Variants in TECRL observed in about 807,000 individuals in gnomAD.
The protein encoded by TECRL is trans-2,3-enoyl-CoA reductase like, also known as trans-2,3-enoyl-CoA reductase-like.
Under a neutral mutation model 52.8 loss-of-function variants are expected in TECRL, and 63 were observed. The observed-to-expected ratio is 1.19, with a 90% CI of 0.97 to 1.47. The LOEUF (loss-of-function observed/expected upper bound fraction) is 1.47. TECRL is among the 40% of genes most tolerant of loss of function. The pLI is 0.00. For missense variants in TECRL, 482 were observed against 429.6 expected (o/e 1.12, Z -1.08); for synonymous variants, 164 against 141.9 (o/e 1.16, Z -1.10).
At chr4:64,358,293 T>C (rs2109602336) in intron 2 of TECRL, among the ~76,000 whole-genome samples, 1 of 151,944 alleles carries the variant, frequency 6.6e-6, no homozygotes, top group South Asian at 2.1e-4. Context: ...TGATATGTCA[T>C]AAATGTTTAG....
At chr4:64,370,635 G>GTA (rs1439385128) in intron 2 of TECRL, among the ~76,000 whole-genome samples, 1 of 151,776 alleles carries the variant, frequency 6.6e-6, no homozygotes, top group Non-Finnish European at 1.5e-5. Flanking sequence ...TCATAAGGGT[G>GTA]TTATTTCTGA....
At chr4:64,302,558 G>A (rs1724082515) in intron 7 of TECRL, among the ~76,000 whole-genome samples, 1 of 150,382 alleles carries the variant, frequency 6.6e-6, no homozygotes. Flanking sequence ...TGTGATTAAA[G>A]ATTAAACAGG....
At chr4:64,307,477 G>A (rs1251275021) in intron 6 of TECRL, among the ~76,000 whole-genome samples, 10 of 152,220 alleles carry the variant, frequency 6.6e-5, no homozygotes, top group East Asian at 1.9e-4. Context: ...ATACAAGGAC[G>A]AGGAGAGGAG....
chr4:64,351,679 A>T (rs1442121843), intron 2 of TECRL, among the ~76,000 whole-genome samples: 3 of 152,198 alleles, frequency 2.0e-5, no homozygotes, highest in African/African-American at 7.2e-5. Flanking sequence ...TATGCATGTA[A>T]CAAAATACCA....
intron 1 of TECRL, among the ~76,000 whole-genome samples, chr4:64,391,826 A>G (rs1373128685): frequency 6.6e-6 from 1 of 151,958 alleles, no homozygotes; most frequent in Non-Finnish European, 1.5e-5. Context: ...CAATAATTTA[A>G]GAAGAAATAT....
chr4:64,404,369 T>C (rs1209516069), intron 1 of TECRL, among the ~76,000 whole-genome samples: 1 of 152,044 alleles, frequency 6.6e-6, no homozygotes, highest in Non-Finnish European at 1.5e-5. Context: ...TCTTCAATCA[T>C]TGACTTATCA....
At chr4:64,306,399 C>T (rs1724341636) in intron 6 of TECRL, among the ~76,000 whole-genome samples, 2 of 152,136 alleles carry the variant, frequency 1.3e-5, no homozygotes, top group African/African-American at 2.4e-5. Context: ...ACGCAAAGGC[C>T]TTTGGACTGG....
At chr4:64,289,914 T>A (rs964930973) in intron 8 of TECRL, 147 bp from the exon 9 acceptor site, 13 of 482,148 alleles carry the variant, frequency 2.7e-5, no homozygotes, top group Admixed American at 2.6e-4. Flanking sequence ...AAAGAGAAAT[T>A]TTTTTTAATT....
intron 3 of TECRL, among the ~76,000 whole-genome samples, chr4:64,327,304 T>C (rs1157803909): frequency 6.6e-6 from 1 of 151,998 alleles, no homozygotes; most frequent in African/African-American, 2.4e-5. Context: ...GTAAATAAAT[T>C]TGGGAGAAAA....
intron 1 of TECRL, among the ~76,000 whole-genome samples, chr4:64,407,206 T>C (rs1286423340): frequency 6.6e-6 from 1 of 152,014 alleles, no homozygotes; most frequent in Non-Finnish European, 1.5e-5. Flanking sequence ...AGCTATCCAG[T>C]GTTAATCCTC....
chr4:64,378,538 T>A (rs1722557505), intron 1 of TECRL, among the ~76,000 whole-genome samples: 1 of 152,076 alleles, frequency 6.6e-6, no homozygotes, highest in Admixed American at 6.6e-5. Context: ...GATTAGCAAA[T>A]AGAATGTATA....
intron 2 of TECRL, among the ~76,000 whole-genome samples, chr4:64,338,282 C>T (rs1212186458): frequency 6.6e-6 from 1 of 152,114 alleles, no homozygotes; most frequent in African/African-American, 2.4e-5. Flanking sequence ...AAAATTAATT[C>T]AAGATGGATT....
chr4:64,297,570 G>C lies in TECRL; in HGVS notation c.774+2404C>G, dbSNP rs151300818. Among the ~76,000 whole-genome samples, 19 of 151,020 alleles carry C rather than the reference G, an allele frequency of 1.3e-4. No homozygotes were observed. In the East Asian group the frequency reaches 3.7e-3, roughly 29 times the overall value. The stretch of plus-strand genomic sequence containing the variant: ...ATTGTACTATCTACTGTTAGTTTAT[G>C]TTACAATAAACAGTACATAGTAGAA... On this transcript the variant is annotated intron_variant, in intron 8 of 11. Coordinates refer to ENST00000381210, the MANE Select transcript of TECRL (RefSeq NM_001010874.5).
intron 5 of TECRL, among the ~76,000 whole-genome samples, chr4:64,313,853 G>A (rs944608688): frequency 1.7e-4 from 25 of 149,918 alleles, no homozygotes; most frequent in Non-Finnish European, 1.5e-5. Flanking sequence ...GTAACTTGTG[G>A]CCGGGCGTGG....
At position 64,288,855 on chromosome 4, in the gene TECRL, T is replaced by C. The variant is rs142918185; in HGVS notation, c.832+855A>G. Among the ~76,000 whole-genome samples the C allele has an allele frequency of 2.2e-3, 339 of 152,318 alleles. 2 individuals are homozygous for C. The highest frequency in any genetic ancestry group is 3.7e-3 in the Non-Finnish European group (252 of 68,016). On this transcript the variant is annotated intron_variant, in intron 9 of 11. Transcript: ENST00000381210. ...ACAGAAAGGACCCAATTCTTCTCCATGACAGTGTCTGACTGCCCATCACAC... is the reference window on the plus strand; with the variant it reads ...ACAGAAAGGACCCAATTCTTCTCCACGACAGTGTCTGACTGCCCATCACAC...
intron 1 of TECRL, among the ~76,000 whole-genome samples, chr4:64,402,412 T>C (rs554193085): frequency 5.9e-5 from 9 of 152,206 alleles, no homozygotes; most frequent in Middle Eastern, 3.4e-3. Flanking sequence ...ATAAAATATC[T>C]CTTTTAAACG....
In TECRL at chr4:64,409,275, A is replaced by G; in HGVS notation, c.77T>C (p.Leu26Pro). The part of the protein sequence containing the change: ...LLSQRATRFI[L>P]KDDMRNFHFL... The stretch of plus-strand genomic sequence containing the variant: ...GTGAAAATTTCTCATATCATCCTTC[A>G]GTATGAACCGTGTAGCTCTTTGGGA... Residue 26 changes from leucine (L) to proline (P), a missense_variant, in exon 1 of 12, where the codon CTG becomes CCG. Coordinates refer to ENST00000381210, the MANE Select transcript of TECRL (RefSeq NM_001010874.5). The G allele has an allele frequency of 6.2e-7, 1 of 1,613,862 alleles. No individual in the cohort carries two copies. The highest frequency in any genetic ancestry group is 1.3e-5 in the African/African-American group (1 of 75,012).
chr4:64,344,762 C>CTGA (rs1719832315), intron 2 of TECRL, among the ~76,000 whole-genome samples: 3 of 152,208 alleles, frequency 2.0e-5, no homozygotes, highest in Admixed American at 1.3e-4. Flanking sequence ...AAATGACAAT[C>CTGA]TGAAAACGTT....
In TECRL at chr4:64,322,731, T is replaced by C. The variant is rs1717991566; in HGVS notation, c.393A>G (p.Thr131=). The change falls in exon 4 of 12, where the codon ACA becomes ACG. Residue 131 remains threonine (T), a synonymous_variant. Transcript: ENST00000381210. The stretch of plus-strand genomic sequence containing the variant: ...GTTGACCTAGGTCTGTAGCATACAG[T>C]GTGACAATGGAGGAAGCTGCAATAC... The part of the protein sequence containing the change: ...IQSIAASSIV[T]LYATDLGQQV... 1.2e-6 allele frequency: 2 copies of C among 1,612,570 alleles called. No homozygotes were observed. Among genetic ancestry groups the C allele is most frequent in the Non-Finnish European group, 1.7e-6 (2 of 1,179,192 alleles).
Sources: gnomAD v4.1 joint callset for allele counts (sites outside exome capture counted in the v4.1 genomes callset) on GRCh38, gnomAD v4.1.1 for gene constraint, MANE v1.5 for transcripts, NCBI Gene and HGNC (gene_info 2026-07-23, HGNC 2026-07-21) for gene names.